The following DOCK2 variants were observed in gnomAD, a reference collection of about 807,000 sequenced individuals.
DOCK2 encodes the protein dedicator of cytokinesis 2.
DOCK2 carries 87 observed loss-of-function variants against 248.9 expected under a neutral mutation model. That is an observed-to-expected ratio of 0.35 (90% CI 0.29 to 0.42). The LOEUF is 0.42. Among genes scored for constraint, DOCK2 ranks in the 10% least tolerant of loss-of-function variants. The pLI, the probability that DOCK2 is intolerant of heterozygous loss-of-function variation, is 1.00. For synonymous variants in DOCK2, 805 were observed against 821.6 expected (o/e 0.98, Z 0.35); for missense variants, 1,747 against 2,300.2 (o/e 0.76, Z 4.92).
intron 26 of DOCK2, among the ~76,000 whole-genome samples, chr5:169,835,443 C>CG (rs1769508758): frequency 6.6e-6 from 1 of 151,614 alleles, no homozygotes; most frequent in African/African-American, 2.4e-5. Context: ...TTAGTAGAGA[C>CG]GGGGTTTCAC....
chr5:170,050,816 A>G (rs1756887799), intron 41 of DOCK2, among the ~76,000 whole-genome samples: 2 of 152,100 alleles, frequency 1.3e-5, no homozygotes, highest in African/African-American at 2.4e-5. Context: ...TACATTGTAA[A>G]TGTTGCATGC....
At chr5:169,986,715 A>G (rs1054501120) in intron 29 of DOCK2, among the ~76,000 whole-genome samples, 1 of 152,182 alleles carries the variant, frequency 6.6e-6, no homozygotes, top group Non-Finnish European at 1.5e-5. Flanking sequence ...CAGTTCCTTT[A>G]AAACAGCATC....
At chr5:169,785,100 C>T (rs546660870) in intron 25 of DOCK2, among the ~76,000 whole-genome samples, 1 of 152,188 alleles carries the variant, frequency 6.6e-6, no homozygotes, top group South Asian at 2.1e-4. Context: ...AAAAACTACC[C>T]GTATAAGAGA....
intron 27 of DOCK2, among the ~76,000 whole-genome samples, chr5:169,952,099 G>T (rs1776686620): frequency 6.6e-6 from 1 of 152,234 alleles, no homozygotes; most frequent in African/African-American, 2.4e-5. Flanking sequence ...CCATTTCAGA[G>T]AGATAGAAGC....
At chr5:169,930,182 G>A (rs113765679) in intron 27 of DOCK2, among the ~76,000 whole-genome samples, 2,029 of 152,146 alleles carry the variant, frequency 0.013, 53 homozygotes, top group East Asian at 0.11. Flanking sequence ...GTAGAGATGG[G>A]GGTTTCACCA....
At chr5:170,076,235 G>A (rs1757834783) in intron 47 of DOCK2, 151 bp downstream of exon 47, 2 of 1,243,736 alleles carry the variant, frequency 1.6e-6, no homozygotes, top group East Asian at 2.6e-5. Flanking sequence ...CCCATCCAGG[G>A]GAACCCTCCT....
At chr5:169,672,881 A>G (rs1474322873) in intron 5 of DOCK2, among the ~76,000 whole-genome samples, 1 of 152,204 alleles carries the variant, frequency 6.6e-6, no homozygotes, top group East Asian at 1.9e-4. Context: ...TATTATAAAG[A>G]ATGTAATTCA....
At chr5:169,867,825 T>C (rs1323546070) in intron 27 of DOCK2, among the ~76,000 whole-genome samples, 2 of 152,150 alleles carry the variant, frequency 1.3e-5, no homozygotes, top group African/African-American at 2.4e-5. Context: ...CCACCTATAC[T>C]TCATTCTCCC....
chr5:169,658,568 C>A (rs911612443), intron 2 of DOCK2, among the ~76,000 whole-genome samples: 1 of 148,818 alleles, frequency 6.7e-6, no homozygotes. Flanking sequence ...CATATTTTAT[C>A]TTTTTATCTC....
At chr5:169,865,177 T>C (rs895159043) in intron 27 of DOCK2, among the ~76,000 whole-genome samples, 1 of 152,236 alleles carries the variant, frequency 6.6e-6, no homozygotes, top group African/African-American at 2.4e-5. Context: ...TCCCAACCTC[T>C]TTTTCGTTGT....
chr5:169,937,826 G>A (rs1561838113), intron 27 of DOCK2, among the ~76,000 whole-genome samples: 1 of 152,276 alleles, frequency 6.6e-6, no homozygotes, highest in Admixed American at 6.5e-5. Flanking sequence ...TCATTCTATT[G>A]GTCACTGACA....
rs1774880100 is a variant in DOCK2 at position 169,916,462 on chromosome 5, GCAT to G, written c.2800-66605_2800-66603del. Among the ~76,000 whole-genome samples, 4 of 152,336 alleles carry G rather than the reference GCAT, an allele frequency of 2.6e-5. No homozygotes were observed. In the South Asian group the frequency reaches 8.3e-4, roughly 32 times the overall value. On this transcript the variant is annotated intron_variant, in intron 27 of 51. Transcript: ENST00000520908. ...CAAATGCACTTAGAGAGTGAGAGCA[GCAT>G]AGCAAAGTGATGAAGGGGATGGACG...
intron 22 of DOCK2, among the ~76,000 whole-genome samples, chr5:169,722,630 T>G (rs896654353): frequency 2.0e-5 from 3 of 152,236 alleles, no homozygotes; most frequent in Non-Finnish European, 2.9e-5. Context: ...GATAAACCAG[T>G]TCATTGTGTT....
chr5:170,002,327 C>T (rs1289052554), intron 30 of DOCK2, among the ~76,000 whole-genome samples: 2 of 151,054 alleles, frequency 1.3e-5, no homozygotes, highest in African/African-American at 4.9e-5. Context: ...TACAATGTAG[C>T]AATAAAAGAG....
Position 169,675,852 on chromosome 5 carries a change from C to A in DOCK2, c.470+1407C>A, listed in dbSNP as rs867982133. Among the ~76,000 whole-genome samples, 6 of 152,352 alleles carry A rather than the reference C, an allele frequency of 3.9e-5. No individual in the cohort carries two copies. In the Middle Eastern group the frequency reaches 0.014, roughly 345 times the overall value. ...CGGAGAGGAAAGTCAATGGCTCCAA[C>A]TCACAGCTGGTCTCCATCCCAGGAA... On this transcript the variant is annotated intron_variant, in intron 6 of 51. Coordinates refer to ENST00000520908, the MANE Select transcript of DOCK2 (RefSeq NM_004946.3).
At chr5:169,911,971 G>T (rs1422484824) in intron 27 of DOCK2, among the ~76,000 whole-genome samples, 1 of 152,098 alleles carries the variant, frequency 6.6e-6, no homozygotes, top group East Asian at 1.9e-4. Flanking sequence ...GGTTGAAATT[G>T]TTCTCTCTAG....
At chr5:169,859,629 G>A (rs1216418750) in intron 27 of DOCK2, among the ~76,000 whole-genome samples, 1 of 152,210 alleles carries the variant, frequency 6.6e-6, no homozygotes, top group African/African-American at 2.4e-5. Flanking sequence ...AGGTAAGAAC[G>A]GGTTTCAAGT....
intron 6 of DOCK2, among the ~76,000 whole-genome samples, chr5:169,679,831 C>T (rs548286590): frequency 5.3e-5 from 8 of 152,256 alleles, no homozygotes; most frequent in East Asian, 3.9e-4. Context: ...ATGAGAGATG[C>T]GCCTCTCAAT....
chr5:170,080,234 T>C lies in DOCK2; in HGVS notation c.5238T>C (p.Ser1746=), dbSNP rs113012149. ...ATGCGGCCATCCCCCTCAAGGCGTC[T>C]GTCCTCTCTCAAATGAGCTTTGCCA... The part of the protein sequence containing the change: ...SEHAAIPLKA[S]VLSQMSFASQ... Residue 1746 remains serine, a synonymous_variant, in exon 50 of 52, where the codon TCT becomes TCC. Transcript: ENST00000520908. 8 of 1,614,198 alleles carry C rather than the reference T, an allele frequency of 5.0e-6. No individual in the cohort carries two copies. Among genetic ancestry groups the C allele is most frequent in the Non-Finnish European group, 6.8e-6 (8 of 1,180,030 alleles).
Sources: gnomAD v4.1 joint callset for allele counts (sites outside exome capture counted in the v4.1 genomes callset) on GRCh38, gnomAD v4.1.1 for gene constraint, MANE v1.5 for transcripts, NCBI Gene and HGNC (gene_info 2026-07-23, HGNC 2026-07-21) for gene names.